Variants in FCHO2 observed in about 807,000 individuals in gnomAD.
FCHO2 encodes F-BAR domain only protein 2.
In FCHO2, 43 loss-of-function variants were observed where a neutral mutation model predicts 114.1. That is an observed-to-expected ratio of 0.38 (90% confidence interval 0.30 to 0.49). The LOEUF is 0.49. Ranked by LOEUF, FCHO2 falls within the 20% of genes least tolerant of loss-of-function variation. FCHO2 has a pLI of 0.97. For missense variants in FCHO2, 807 were observed against 950.4 expected (o/e 0.85, Z 1.98); for synonymous variants, 293 against 315.2 (o/e 0.93, Z 0.75).
At chr5:73,011,917 A>G (rs1207449662) in intron 6 of FCHO2, among the ~76,000 whole-genome samples, 1 of 152,108 alleles carries the variant, frequency 6.6e-6, no homozygotes, top group Non-Finnish European at 1.5e-5. Flanking sequence ...CTCAGGAAAA[A>G]AAAAAAAAGT....
chr5:73,013,576 A>G (rs1238140688), intron 6 of FCHO2, among the ~76,000 whole-genome samples: 1 of 152,250 alleles, frequency 6.6e-6, no homozygotes, highest in Non-Finnish European at 1.5e-5. Context: ...TGTTCAGGGA[A>G]GAAGAAAAAC....
chr5:72,997,216 T>A, intron 5 of FCHO2: 2 of 1,138,958 alleles, frequency 1.8e-6, no homozygotes, highest in Non-Finnish European at 2.7e-6. Flanking sequence ...TAGACAAACA[T>A]CCTGTCCGTT....
At chr5:73,045,436 T>C (rs1757009971) in intron 11 of FCHO2, among the ~76,000 whole-genome samples, 1 of 152,218 alleles carries the variant, frequency 6.6e-6, no homozygotes, top group South Asian at 2.1e-4. Flanking sequence ...ATGAATAGTT[T>C]ATTTTTTATT....
intron 5 of FCHO2, 142 bp from the exon 6 acceptor site, chr5:73,006,303 G>A (rs1178632273): frequency 2.8e-5 from 12 of 431,434 alleles, no homozygotes; most frequent in Non-Finnish European, 1.2e-5. Context: ...ACTAAAGAGG[G>A]CCTCACAACA....
chr5:73,002,910 A>C (rs891431501), intron 5 of FCHO2, among the ~76,000 whole-genome samples: 2 of 152,174 alleles, frequency 1.3e-5, no homozygotes, highest in African/African-American at 4.8e-5. Flanking sequence ...TAAAAAGAAA[A>C]CCTGCTAGGT....
At chr5:73,044,754 T>C (rs1361816104) in intron 11 of FCHO2, among the ~76,000 whole-genome samples, 1 of 152,150 alleles carries the variant, frequency 6.6e-6, no homozygotes, top group Non-Finnish European at 1.5e-5. Flanking sequence ...AAACATTTCA[T>C]TGACTCTTGA....
In FCHO2 at chr5:72,974,839, T is replaced by A. The variant is rs1238076051; in HGVS notation, c.125+6250T>A. 2.0e-5 allele frequency among the ~76,000 whole-genome samples: 3 copies of A among 152,330 alleles called. No individual in the cohort carries two copies. The South Asian group carries it at 6.2e-4, about 32-fold the overall frequency. ...TTTGGCATGATTTTGCAGCGGCTGG[T>A]ACTGGTTGTTCCTTTCCATGTTTAG... On this transcript the variant is annotated intron_variant, in intron 2 of 25. Coordinates refer to ENST00000430046, the MANE Select transcript of FCHO2 (RefSeq NM_138782.3).
intron 2 of FCHO2, among the ~76,000 whole-genome samples, chr5:72,976,180 A>G (rs1006679522): frequency 6.6e-6 from 1 of 152,164 alleles, no homozygotes; most frequent in Non-Finnish European, 1.5e-5. Context: ...ATAAGTATAT[A>G]GTGGTATCTT....
intron 5 of FCHO2, among the ~76,000 whole-genome samples, chr5:72,995,250 A>T (rs532992208): frequency 1.3e-5 from 2 of 151,916 alleles, no homozygotes; most frequent in East Asian, 3.9e-4. Flanking sequence ...GAATACCTGA[A>T]ACTGGGTAAT....
chr5:73,037,039 C>T, intron 9 of FCHO2, 104 bp from the exon 10 acceptor site: 2 of 638,892 alleles, frequency 3.1e-6, no homozygotes, highest in East Asian at 3.3e-5. Flanking sequence ...TTAGCATCAG[C>T]AGTTATGAGC....
intron 19 of FCHO2, 82 bp downstream of exon 19, chr5:73,068,861 C>A: frequency 7.1e-7 from 1 of 1,404,670 alleles, no homozygotes; most frequent in Non-Finnish European, 9.5e-7. Flanking sequence ...TTTAAATGGG[C>A]TAATGAAGAA....
intron 8 of FCHO2, among the ~76,000 whole-genome samples, chr5:73,024,688 C>T (rs938011253): frequency 6.6e-6 from 1 of 151,956 alleles, no homozygotes; most frequent in Non-Finnish European, 1.5e-5. Flanking sequence ...CCGCCCACCT[C>T]GGCCTCCCAA....
chr5:73,088,285 T>G lies in FCHO2; in HGVS notation c.*195T>G, dbSNP rs1018525500. 1 of 630,784 alleles carries G rather than the reference T, an allele frequency of 1.6e-6. No individual in the cohort carries two copies. The highest frequency in any genetic ancestry group is 2.7e-6 in the Non-Finnish European group (1 of 369,078). The allele number at this position is 630,784 out of a possible 1,614,324, so 39.1% of individuals were successfully genotyped here. On this transcript the variant is annotated 3_prime_UTR_variant, in exon 26 of 26. Coordinates refer to ENST00000430046, the MANE Select transcript of FCHO2 (RefSeq NM_138782.3). Reference sequence around the variant, plus strand: ...AGTACTGAAATGATTCTCTATGTTGTAAATGATCAACTACAATATTCAGGA... The same window carrying G: ...AGTACTGAAATGATTCTCTATGTTGGAAATGATCAACTACAATATTCAGGA...
At chr5:73,031,905 A>G (rs982166606) in intron 8 of FCHO2, among the ~76,000 whole-genome samples, 1 of 152,250 alleles carries the variant, frequency 6.6e-6, no homozygotes, top group Non-Finnish European at 1.5e-5. Flanking sequence ...GAATTAATTG[A>G]GTCTAAAACA....
chr5:73,017,191 A>G lies in FCHO2; in HGVS notation c.700-21A>G, dbSNP rs759720971. Reference sequence around the variant, plus strand: ...TAAGAATGTGGAAAAAGAAAAAGTTATCTTTATTTCATTTTAATAGGTCCA... The same window carrying G: ...TAAGAATGTGGAAAAAGAAAAAGTTGTCTTTATTTCATTTTAATAGGTCCA... On this transcript the variant is annotated intron_variant, in intron 7 of 25. Coordinates refer to ENST00000430046, the MANE Select transcript of FCHO2 (RefSeq NM_138782.3). 16 of 1,356,384 alleles carry G rather than the reference A, an allele frequency of 1.2e-5. No individual in the cohort carries two copies. In the South Asian group the frequency reaches 2.2e-4, roughly 19 times the overall value. 84.0% of individuals were successfully genotyped at this position (1,356,384 alleles called of 1,614,324 possible). A position where few individuals can be genotyped will look rare whatever the true frequency, so the allele number is the denominator to read the frequency against.
At chr5:73,081,069 C>T (rs1321390075) in intron 22 of FCHO2, among the ~76,000 whole-genome samples, 1 of 152,060 alleles carries the variant, frequency 6.6e-6, no homozygotes, top group Non-Finnish European at 1.5e-5. Context: ...ATGAGCATGC[C>T]ACTACACTCC....
chr5:73,001,215 A>C (rs1754414524), intron 5 of FCHO2, among the ~76,000 whole-genome samples: 1 of 152,192 alleles, frequency 6.6e-6, no homozygotes, highest in East Asian at 1.9e-4. Context: ...TGGGCAACGT[A>C]GGGAGACCCC....
rs1480749969 is a variant in FCHO2, at chr5:72,989,047, A to G, written c.126-380A>G. Among the ~76,000 whole-genome samples, 3 of 151,984 alleles carry G rather than the reference A, an allele frequency of 2.0e-5. No individual in the cohort carries two copies. The East Asian group carries it at 5.8e-4, about 29-fold the overall frequency. ...AACATAGCAAGGCCCCATCTCTACA[A>G]AAAAATACAAAACTTAGCTGGGTGT... On this transcript the variant is annotated intron_variant, in intron 2 of 25. Transcript: ENST00000430046.
chr5:73,061,801 CT>C (rs1279919911), intron 17 of FCHO2, among the ~76,000 whole-genome samples: 3 of 152,078 alleles, frequency 2.0e-5, no homozygotes, highest in Non-Finnish European at 4.4e-5. Context: ...TTTCCTAATG[CT>C]TTGGATGGGA....
Sources: gnomAD v4.1 joint callset for allele counts (sites outside exome capture counted in the v4.1 genomes callset) on GRCh38, gnomAD v4.1.1 for gene constraint, MANE v1.5 for transcripts, NCBI Gene and HGNC (gene_info 2026-07-23, HGNC 2026-07-21) for gene names.